TAOK3: variants seen among roughly 807,000 people sequenced by gnomAD.
TAOK3 encodes the protein serine/threonine-protein kinase TAO3.
In TAOK3, 40 loss-of-function variants were observed where a neutral mutation model predicts 120.4. The observed-to-expected ratio is 0.33, with a 90% CI of 0.26 to 0.43. The LOEUF is 0.43. TAOK3 is among the 20% of genes least tolerant of loss of function. TAOK3 has a pLI of 1.00. For missense variants in TAOK3, 821 were observed against 1,112.1 expected (o/e 0.74, Z 3.72); for synonymous variants, 355 against 387.5 (o/e 0.92, Z 0.99).
intron 1 of TAOK3, among the ~76,000 whole-genome samples, chr12:118,357,211 A>C (rs1459119910): frequency 6.6e-6 from 1 of 152,228 alleles, no homozygotes; most frequent in Non-Finnish European, 1.5e-5. Flanking sequence ...TCTCAATTTC[A>C]AGCTAAACCA....
chr12:118,340,457 T>C (rs902543840), intron 1 of TAOK3, among the ~76,000 whole-genome samples: 5 of 152,102 alleles, frequency 3.3e-5, no homozygotes, highest in African/African-American at 9.7e-5. Flanking sequence ...AGAAGAAAAA[T>C]TTTTTATGAA....
rs1030891847 is a variant in TAOK3, at chr12:118,371,441, G to A, written c.-194+1207C>T. Among the ~76,000 whole-genome samples the A allele has an allele frequency of 6.6e-6, 1 of 152,100 alleles. No homozygotes were observed. The highest frequency in any genetic ancestry group is 2.4e-5 in the African/African-American group (1 of 41,430). On this transcript the variant is annotated intron_variant, in intron 1 of 20. Coordinates refer to ENST00000392533, the MANE Select transcript of TAOK3 (RefSeq NM_016281.4). The surrounding 1 kb of genome is among the most constrained non-coding windows in gnomAD (Gnocchi z 5.5). ...GTCTCTTGATCATTCCAAGATCTTT[G>A]TCCTGCAGCCAGCCCCACCAGCCCC... is the stretch of plus-strand genomic sequence containing the variant.
chr12:118,155,563 G>A (rs1031551089), intron 19 of TAOK3, among the ~76,000 whole-genome samples: 1 of 152,148 alleles, frequency 6.6e-6, no homozygotes, highest in Non-Finnish European at 1.5e-5. Flanking sequence ...ATGAAATGAG[G>A]TAACACTTAT....
At chr12:118,172,341 G>T in intron 17 of TAOK3, 116 bp downstream of exon 17, 1 of 1,109,144 alleles carries the variant, frequency 9.0e-7, no homozygotes, top group Non-Finnish European at 1.3e-6. Flanking sequence ...TAGCCACTGT[G>T]CTAAAAGGCT....
chr12:118,301,379 T>C (rs1053036318), intron 1 of TAOK3, among the ~76,000 whole-genome samples: 5 of 152,164 alleles, frequency 3.3e-5, no homozygotes, highest in Non-Finnish European at 7.3e-5. Context: ...AACTTGATAA[T>C]AAAAGTTTGC....
intron 1 of TAOK3, among the ~76,000 whole-genome samples, chr12:118,349,914 G>T (rs138825284): frequency 6.6e-6 from 1 of 152,180 alleles, no homozygotes; most frequent in Non-Finnish European, 1.5e-5. Flanking sequence ...TAACTGTGGC[G>T]TCTTTAGGAT....
intron 8 of TAOK3, among the ~76,000 whole-genome samples, chr12:118,234,953 G>A (rs1565990262): frequency 6.6e-6 from 1 of 152,098 alleles, no homozygotes; most frequent in African/African-American, 2.4e-5. Context: ...AATGTTATTT[G>A]GTGATAGAAA....
At chr12:118,213,771 C>T (rs1038272911) in intron 10 of TAOK3, among the ~76,000 whole-genome samples, 2 of 152,096 alleles carry the variant, frequency 1.3e-5, no homozygotes, top group African/African-American at 2.4e-5. Flanking sequence ...ATGTTCCCTG[C>T]AGGATTTTGG....
intron 1 of TAOK3, among the ~76,000 whole-genome samples, chr12:118,274,503 A>G (rs985274221): frequency 6.6e-6 from 1 of 152,182 alleles, no homozygotes; most frequent in African/African-American, 2.4e-5. Context: ...GTAGGCTCAA[A>G]AGCAAAAATA....
At chr12:118,287,801 T>C (rs531715845) in intron 1 of TAOK3, among the ~76,000 whole-genome samples, 2 of 152,260 alleles carry the variant, frequency 1.3e-5, no homozygotes, top group Non-Finnish European at 2.9e-5. Context: ...ATTCCCAGCA[T>C]TCTTAATTGT....
intron 1 of TAOK3, among the ~76,000 whole-genome samples, chr12:118,335,489 T>G (rs2044330258): frequency 6.6e-6 from 1 of 152,096 alleles, no homozygotes; most frequent in Admixed American, 6.6e-5. Context: ...GAAAAGAATT[T>G]CCCAAGCCCA....
At chr12:118,304,640 C>G (rs562438363) in intron 1 of TAOK3, among the ~76,000 whole-genome samples, 1 of 152,188 alleles carries the variant, frequency 6.6e-6, no homozygotes, top group Non-Finnish European at 1.5e-5. Flanking sequence ...ATTATCTACA[C>G]TGCTTTAAGG....
Position 118,332,709 on chromosome 12 carries a change from C to T in TAOK3, c.-194+39939G>A, listed in dbSNP as rs369385529. On this transcript the variant is annotated intron_variant, in intron 1 of 20. Coordinates refer to ENST00000392533, the MANE Select transcript of TAOK3 (RefSeq NM_016281.4). ...ATAATTTTCCATAAACAGTCTCTTACGCAATGGTGTGGGTTGGTGGTGTAG... is the reference window on the plus strand; with the variant it reads ...ATAATTTTCCATAAACAGTCTCTTATGCAATGGTGTGGGTTGGTGGTGTAG... Among the ~76,000 whole-genome samples the T allele has an allele frequency of 4.9e-4, 74 of 152,306 alleles. 1 individual carries two copies. In the South Asian group the frequency reaches 8.1e-3, roughly 17 times the overall value.
chr12:118,217,811 G>GTA (rs1555223814), intron 9 of TAOK3, among the ~76,000 whole-genome samples: 16 of 75,394 alleles, frequency 2.1e-4, no homozygotes, highest in African/African-American at 3.1e-4. Context: ...GTGTGTGTGT[G>GTA]TATACATATA....
chr12:118,311,632 A>T (rs747098889), intron 1 of TAOK3, among the ~76,000 whole-genome samples: 26 of 124,850 alleles, frequency 2.1e-4, no homozygotes, highest in Non-Finnish European at 4.5e-4. Flanking sequence ...TTTTTTTTTT[A>T]AAAACAGCAT....
intron 1 of TAOK3, among the ~76,000 whole-genome samples, chr12:118,360,461 G>A (rs188615808): frequency 2.9e-3 from 437 of 151,476 alleles, no homozygotes; most frequent in African/African-American, 0.01. Context: ...CCAGCTACTC[G>A]GGAGGCTGAG....
At chr12:118,152,911 C>T (rs1019857483) in intron 19 of TAOK3, among the ~76,000 whole-genome samples, 14 of 152,172 alleles carry the variant, frequency 9.2e-5, no homozygotes, top group African/African-American at 2.9e-4. Context: ...ATCATTATTT[C>T]GGTTTCAACT....
intron 1 of TAOK3, among the ~76,000 whole-genome samples, chr12:118,268,675 C>T (rs1307570080): frequency 6.6e-6 from 1 of 152,144 alleles, no homozygotes; most frequent in Non-Finnish European, 1.5e-5. Flanking sequence ...CTAAAATATT[C>T]CTTATGACAT....
At chr12:118,216,907 C>T (rs1320520344) in intron 9 of TAOK3, among the ~76,000 whole-genome samples, 5 of 126,434 alleles carry the variant, frequency 4.0e-5, no homozygotes, top group Non-Finnish European at 6.3e-5. Flanking sequence ...CCAGCCTGGG[C>T]GTCAGAGTGA....
Sources: allele counts gnomAD v4.1 joint callset (sites outside exome capture counted in the v4.1 genomes callset), GRCh38; gene constraint gnomAD v4.1.1; non-coding constraint Gnocchi (gnomAD v3.1); transcripts MANE v1.5; gene names NCBI Gene and HGNC (gene_info 2026-07-23, HGNC 2026-07-21).